The following SYN3 variants were observed in gnomAD, a reference collection of about 807,000 sequenced individuals.
The protein encoded by SYN3 is synapsin-3.
In SYN3, 35 loss-of-function variants were observed where a neutral mutation model predicts 65.8. The ratio of observed to expected loss-of-function variants is 0.53; its 90% CI spans 0.41 to 0.70. SYN3 has a LOEUF of 0.70. Ranked by LOEUF, SYN3 falls within the 30% of genes least tolerant of loss-of-function variation. SYN3 has a pLI of 0.00. For missense variants in SYN3, 680 were observed against 749.0 expected, an observed-to-expected ratio of 0.91 and a Z score of 1.08; for synonymous variants, 270 against 292.9, an observed-to-expected ratio of 0.92 and a Z score of 0.80.
intron 6 of SYN3, among the ~76,000 whole-genome samples, chr22:32,822,497 C>T (rs1294107883): frequency 2.6e-5 from 4 of 152,178 alleles, no homozygotes; most frequent in African/African-American, 7.2e-5. Flanking sequence ...TCCTGTGCAT[C>T]GAAAGCCTCA....
At chr22:33,010,510 T>C (rs2053322933) in intron 1 of SYN3, among the ~76,000 whole-genome samples, 1 of 152,214 alleles carries the variant, frequency 6.6e-6, no homozygotes, top group Non-Finnish European at 1.5e-5. Flanking sequence ...TTCTGGACTA[T>C]GTTTAATATG....
chr22:33,041,717 G>A (rs2053968081), intron 1 of SYN3, among the ~76,000 whole-genome samples: 1 of 152,108 alleles, frequency 6.6e-6, no homozygotes. Flanking sequence ...TGCACATGCT[G>A]TGTCTGCTTC....
At chr22:32,838,384 G>A (rs1316279890) in intron 6 of SYN3, among the ~76,000 whole-genome samples, 9 of 152,188 alleles carry the variant, frequency 5.9e-5, no homozygotes. Context: ...ACAAGGAAGA[G>A]GGGCAGCTGG....
intron 2 of SYN3, among the ~76,000 whole-genome samples, chr22:32,988,389 C>G (rs1014825016): frequency 6.6e-6 from 1 of 150,888 alleles, no homozygotes; most frequent in Non-Finnish European, 1.5e-5. Flanking sequence ...ATAAAATGCA[C>G]AACCAATGTG....
At position 32,569,589 on chromosome 22, in the gene SYN3, A is replaced by AT. The variant is rs1555898709; in HGVS notation, c.774+27084_774+27085insA. ...TCTCTCTCTATATATATATATATAT[A>AT]AAATCTATCTATTTCTTCTAGGTGA... On this transcript the variant is annotated intron_variant, in intron 7 of 13. Transcript: ENST00000358763. Among the ~76,000 whole-genome samples, 312 of 107,236 alleles carry AT rather than the reference A, an allele frequency of 2.9e-3. 2 individuals carry two copies. The highest frequency in any genetic ancestry group is 8.3e-3 in the African/African-American group (292 of 35,196). 70.4% of individuals were successfully genotyped at this position (107,236 alleles called of 152,430 possible).
intron 6 of SYN3, among the ~76,000 whole-genome samples, chr22:32,803,207 C>A (rs1260298671): frequency 6.6e-6 from 1 of 151,828 alleles, no homozygotes; most frequent in Non-Finnish European, 1.5e-5. Context: ...GCCTTGCCGC[C>A]CTCTGCCTGT....
At chr22:32,695,024 A>G (rs2147173483) in intron 6 of SYN3, among the ~76,000 whole-genome samples, 1 of 152,336 alleles carries the variant, frequency 6.6e-6, no homozygotes, top group African/African-American at 2.4e-5. Context: ...TTTTGACTGA[A>G]CATTCTCCGT....
At chr22:33,043,374 C>T (rs2053999063) in intron 1 of SYN3, among the ~76,000 whole-genome samples, 1 of 151,818 alleles carries the variant, frequency 6.6e-6, no homozygotes, top group East Asian at 2.0e-4. Flanking sequence ...ATGGCGAAAC[C>T]CCGTCTCTAC....
intron 6 of SYN3, among the ~76,000 whole-genome samples, chr22:32,624,471 C>T (rs555024680): frequency 1.1e-4 from 16 of 152,288 alleles, no homozygotes; most frequent in African/African-American, 3.1e-4. Flanking sequence ...AGTCATTTAC[C>T]GGGAAGACTT....
rs2047020511 is a variant in SYN3, at chr22:32,814,324, A to AAAGAAAGAAAGAAAGGAAGAAAGG, written c.711+50590_711+50591insCCTTTCTTCCTTTCTTTCTTTCTT. 1.0e-3 allele frequency among the ~76,000 whole-genome samples: 66 copies of AAAGAAAGAAAGAAAGGAAGAAAGG among 65,974 alleles called. 1 individual carries two copies. Among genetic ancestry groups the AAAGAAAGAAAGAAAGGAAGAAAGG allele is most frequent in the East Asian group, 4.5e-3 (9 of 2,016 alleles). The allele number at this position is 65,974 out of a possible 152,430, so 43.3% of individuals were successfully genotyped here. A position where few individuals can be genotyped will look rare whatever the true frequency, so the allele number is the denominator to read the frequency against. On this transcript the variant is annotated intron_variant, in intron 6 of 13. Transcript: ENST00000358763. ...AGGAGAGAGAGAGAGAGACAGAAAG[A>AAAGAAAGAAAGAAAGGAAGAAAGG]AAGAAAGAAAGAAAGAGAAAGAAAG...
chr22:33,009,792 A>T (rs1460645687), intron 1 of SYN3, among the ~76,000 whole-genome samples: 4 of 141,058 alleles, frequency 2.8e-5, no homozygotes, highest in Non-Finnish European at 4.6e-5. Context: ...ACACACACAC[A>T]CTTATATATG....
At chr22:32,700,773 C>T (rs530216778) in intron 6 of SYN3, among the ~76,000 whole-genome samples, 1 of 152,308 alleles carries the variant, frequency 6.6e-6, no homozygotes, top group East Asian at 1.9e-4. Flanking sequence ...AGCCTCAGCC[C>T]AGATTTCTGT....
intron 6 of SYN3, chr22:32,783,263 T>C (rs1386366888): frequency 6.6e-6 from 1 of 152,216 alleles, no homozygotes; most frequent in African/African-American, 2.4e-5. Context: ...AACAGACCTG[T>C]GGCCTCAGTT....
At chr22:32,997,220 T>A (rs1043151927) in intron 2 of SYN3, among the ~76,000 whole-genome samples, 1 of 152,154 alleles carries the variant, frequency 6.6e-6, no homozygotes, top group Non-Finnish European at 1.5e-5. Flanking sequence ...TGGTGCCCCA[T>A]ACAGTTATTG....
At chr22:32,597,851 C>G (rs956188842) in intron 6 of SYN3, among the ~76,000 whole-genome samples, 1 of 152,170 alleles carries the variant, frequency 6.6e-6, no homozygotes, top group South Asian at 2.1e-4. Flanking sequence ...ATGCTTCTCC[C>G]TCTGACACAA....
At chr22:32,914,963 A>G (rs2050150445) in intron 4 of SYN3, among the ~76,000 whole-genome samples, 1 of 152,354 alleles carries the variant, frequency 6.6e-6, no homozygotes, top group Non-Finnish European at 1.5e-5. Flanking sequence ...GGCTGCAAAT[A>G]TGAAAGCAAC....
At chr22:32,720,080 C>A (rs2061095158) in intron 6 of SYN3, among the ~76,000 whole-genome samples, 1 of 152,172 alleles carries the variant, frequency 6.6e-6, no homozygotes, top group South Asian at 2.1e-4. Context: ...GGAATCTAGT[C>A]TTTTCAGTTT....
intron 3 of SYN3, among the ~76,000 whole-genome samples, chr22:32,978,168 T>C (rs1295719351): frequency 1.3e-5 from 2 of 152,114 alleles, no homozygotes; most frequent in African/African-American, 4.8e-5. Flanking sequence ...TGTGAGGCTG[T>C]TGATGAGGAA....
At chr22:32,725,085 C>T (rs922399430) in intron 6 of SYN3, among the ~76,000 whole-genome samples, 1 of 152,182 alleles carries the variant, frequency 6.6e-6, no homozygotes, top group Non-Finnish European at 1.5e-5. Flanking sequence ...CCATTGCACT[C>T]CAGCCTGGGT....
Sources: gnomAD v4.1 joint callset for allele counts (sites outside exome capture counted in the v4.1 genomes callset) on GRCh38, gnomAD v4.1.1 for gene constraint, MANE v1.5 for transcripts, NCBI Gene and HGNC (gene_info 2026-07-23, HGNC 2026-07-21) for gene names.